PDE4B: variants seen among roughly 807,000 people sequenced by gnomAD.
PDE4B encodes 3',5'-cyclic-AMP phosphodiesterase 4B.
PDE4B carries 20 observed loss-of-function variants against 82.2 expected under a neutral mutation model. The observed-to-expected ratio is 0.24, with a 90% CI of 0.17 to 0.35. PDE4B has a LOEUF of 0.35. Among genes scored for constraint, PDE4B ranks in the 10% least tolerant of loss-of-function variants. PDE4B has a pLI of 1.00. For missense variants in PDE4B, 655 were observed against 907.2 expected (o/e 0.72, Z 3.57); for synonymous variants, 320 against 318.9 (o/e 1.00, Z -0.04).
intron 3 of PDE4B, among the ~76,000 whole-genome samples, chr1:66,143,218 G>A (rs534971219): frequency 2.6e-5 from 4 of 152,346 alleles, no homozygotes; most frequent in Non-Finnish European, 4.4e-5. Flanking sequence ...GAGAGAAACA[G>A]GTTCATTCAC....
chr1:66,363,393 AT>A lies in PDE4B; in HGVS notation c.1120-10del. 6.2e-7 allele frequency: 1 copy of A among 1,603,318 alleles called. No individual in the cohort carries two copies. Among genetic ancestry groups the A allele is most frequent in the Non-Finnish European group, 8.5e-7 (1 of 1,173,270 alleles). On this transcript the variant is annotated splice_polypyrimidine_tract_variant and intron_variant, in intron 11 of 16. Transcript: ENST00000341517. ...CATCTACTTATTTATGTTCTAATCC[AT>A]TTTACAACACAGGAAAGAGACCTCC... is the stretch of plus-strand genomic sequence containing the variant.
At chr1:65,995,002 G>A (rs1169234982) in intron 3 of PDE4B, among the ~76,000 whole-genome samples, 1 of 152,006 alleles carries the variant, frequency 6.6e-6, no homozygotes, top group Non-Finnish European at 1.5e-5. Context: ...ACAATTAAAT[G>A]GTATCTGAAG....
chr1:65,879,119 A>G (rs1646681867), intron 1 of PDE4B, among the ~76,000 whole-genome samples: 1 of 152,066 alleles, frequency 6.6e-6, no homozygotes, highest in Non-Finnish European at 1.5e-5. Context: ...CTAGACTCCC[A>G]CTGGTGATTT....
intron 1 of PDE4B, among the ~76,000 whole-genome samples, chr1:65,796,110 A>G (rs6663247): frequency 0.98 from 149,380 of 152,360 alleles, 73,328 homozygotes; most frequent in Middle Eastern, 1. Flanking sequence ...TCCCTTATAC[A>G]CAATGCGTCA....
At position 66,270,111 on chromosome 1, in the gene PDE4B, G is replaced by T. The variant is rs139323945; in HGVS notation, c.634+4024G>T. On this transcript the variant is annotated intron_variant, in intron 7 of 16. Transcript: ENST00000341517. ...TAGGGAATCACTTTGAGGACTTCAA[G>T]CCAGATTGCTGCAGATACTAATGAT... Among the ~76,000 whole-genome samples the T allele has an allele frequency of 7.7e-4, 118 of 152,306 alleles. No homozygotes were observed. In the Middle Eastern group the frequency reaches 0.01, roughly 13 times the overall value.
intron 3 of PDE4B, among the ~76,000 whole-genome samples, chr1:66,213,121 T>C (rs1368264486): frequency 6.6e-6 from 1 of 152,208 alleles, no homozygotes; most frequent in African/African-American, 2.4e-5. Context: ...AGCCAATATT[T>C]CTTTATGTGT....
chr1:65,897,619 A>G (rs1231473433), intron 1 of PDE4B, among the ~76,000 whole-genome samples: 1 of 152,070 alleles, frequency 6.6e-6, no homozygotes, highest in Admixed American at 6.6e-5. Flanking sequence ...TCTGCTTAGG[A>G]TAATGGCCTC....
intron 1 of PDE4B, among the ~76,000 whole-genome samples, chr1:65,863,141 G>C (rs892189370): frequency 1.3e-5 from 2 of 152,128 alleles, no homozygotes; most frequent in African/African-American, 4.8e-5. Context: ...GGCACATTTA[G>C]TGCTATAAAT....
At chr1:65,975,367 A>G (rs1037490847) in intron 3 of PDE4B, among the ~76,000 whole-genome samples, 1 of 152,254 alleles carries the variant, frequency 6.6e-6, no homozygotes, top group Non-Finnish European at 1.5e-5. Context: ...GCTCATATGC[A>G]TGGGCAAAGA....
At chr1:66,353,957 C>T (rs988856390) in intron 8 of PDE4B, among the ~76,000 whole-genome samples, 1 of 152,008 alleles carries the variant, frequency 6.6e-6, no homozygotes, top group African/African-American at 2.4e-5. Context: ...ATCTAATATG[C>T]ATATTAATGA....
intron 6 of PDE4B, among the ~76,000 whole-genome samples, chr1:66,258,438 C>A (rs1293327505): frequency 6.6e-6 from 1 of 152,164 alleles, no homozygotes; most frequent in African/African-American, 2.4e-5. Flanking sequence ...ACTTTATATT[C>A]CTTGCAGTAA....
At chr1:66,048,419 G>A (rs1284154504) in intron 3 of PDE4B, among the ~76,000 whole-genome samples, 1 of 151,902 alleles carries the variant, frequency 6.6e-6, no homozygotes, top group Non-Finnish European at 1.5e-5. Flanking sequence ...GGGGATGCTG[G>A]TGAAAAATCT....
chr1:66,297,101 C>T (rs2101827764), intron 7 of PDE4B, among the ~76,000 whole-genome samples: 1 of 152,158 alleles, frequency 6.6e-6, no homozygotes, highest in East Asian at 1.9e-4. Context: ...TTAGCCATAT[C>T]ACCATTTGCT....
At chr1:66,178,689 T>C (rs1017331749) in intron 3 of PDE4B, among the ~76,000 whole-genome samples, 2 of 152,188 alleles carry the variant, frequency 1.3e-5, no homozygotes, top group African/African-American at 4.8e-5. Context: ...ACTCATGGTA[T>C]GGGCAAGGAG....
chr1:66,008,286 C>G (rs1276550430), intron 3 of PDE4B, among the ~76,000 whole-genome samples: 1 of 152,086 alleles, frequency 6.6e-6, no homozygotes, highest in African/African-American at 2.4e-5. Context: ...GCTGAATGTC[C>G]AGGCATGTCA....
chr1:65,900,459 C>A (rs182887520), intron 1 of PDE4B, among the ~76,000 whole-genome samples: 1 of 151,624 alleles, frequency 6.6e-6, no homozygotes, highest in African/African-American at 2.4e-5. Context: ...TAATTTCACA[C>A]GAATTTTAGA....
intron 7 of PDE4B, among the ~76,000 whole-genome samples, chr1:66,311,769 G>A (rs1011232381): frequency 6.6e-6 from 1 of 152,222 alleles, no homozygotes; most frequent in Non-Finnish European, 1.5e-5. Context: ...ACATTTTAAA[G>A]CAGCAAAGTG....
intron 1 of PDE4B, among the ~76,000 whole-genome samples, chr1:65,815,621 A>G (rs1645873931): frequency 6.6e-6 from 1 of 152,328 alleles, no homozygotes; most frequent in African/African-American, 2.4e-5. Flanking sequence ...TTATTTTTAA[A>G]AAAAGGTTCA....
At chr1:65,838,990 GT>G (rs1646176278) in intron 1 of PDE4B, among the ~76,000 whole-genome samples, 1 of 152,124 alleles carries the variant, frequency 6.6e-6, no homozygotes, top group Non-Finnish European at 1.5e-5. Context: ...ACTTAAAAAG[GT>G]TGTATTAAGA....
Sources: gnomAD v4.1 joint callset for allele counts (sites outside exome capture counted in the v4.1 genomes callset) on GRCh38, gnomAD v4.1.1 for gene constraint, MANE v1.5 for transcripts, NCBI Gene and HGNC (gene_info 2026-07-23, HGNC 2026-07-21) for gene names.